Variants in EXOC4 observed in about 807,000 individuals in gnomAD.
The protein encoded by EXOC4 is SEC8-like 1.
In EXOC4, 71 loss-of-function variants were observed where a neutral mutation model predicts 107.2. The ratio of observed to expected loss-of-function variants is 0.66; its 90% CI spans 0.55 to 0.81. The LOEUF (loss-of-function observed/expected upper bound fraction) is 0.81, where lower values mean the gene tolerates loss of function less well. EXOC4 is among the 30% of genes least tolerant of loss of function. The probability of loss-of-function intolerance (pLI) is 0.00; values close to 1 mark genes in which losing one functional copy is unlikely to be tolerated. For synonymous variants in EXOC4, 456 were observed against 441.2 expected (o/e 1.03, Z -0.42); for missense variants, 1,108 against 1,189.6 (o/e 0.93, Z 1.01).
intron 5 of EXOC4, among the ~76,000 whole-genome samples, chr7:133,330,856 T>C (rs1307911950): frequency 2.0e-5 from 3 of 151,960 alleles, no homozygotes; most frequent in Non-Finnish European, 4.4e-5. Flanking sequence ...TTCTTCTGCG[T>C]CGATCTCACT....
intron 9 of EXOC4, among the ~76,000 whole-genome samples, chr7:133,504,024 T>C (rs1799623924): frequency 6.6e-6 from 1 of 151,576 alleles, no homozygotes; most frequent in Admixed American, 6.6e-5. Flanking sequence ...CACACACGTA[T>C]ACACACACAC....
intron 6 of EXOC4, among the ~76,000 whole-genome samples, chr7:133,373,414 G>A (rs566007589): frequency 6.6e-6 from 1 of 152,214 alleles, no homozygotes; most frequent in South Asian, 2.1e-4. Context: ...TATAGTCTAG[G>A]CTGGGAGTAC....
At chr7:133,519,923 G>T (rs947755712) in intron 9 of EXOC4, among the ~76,000 whole-genome samples, 1 of 152,126 alleles carries the variant, frequency 6.6e-6, no homozygotes, top group Non-Finnish European at 1.5e-5. Flanking sequence ...CACAGATAAT[G>T]TGTGGTTTAA....
intron 3 of EXOC4, among the ~76,000 whole-genome samples, chr7:133,302,335 G>C (rs562415678): frequency 5.5e-4 from 84 of 152,164 alleles, no homozygotes; most frequent in Non-Finnish European, 8.2e-4. Flanking sequence ...GTTTCCAACT[G>C]TGTTGACTAG....
intron 5 of EXOC4, among the ~76,000 whole-genome samples, chr7:133,341,781 T>G (rs1795666463): frequency 6.6e-6 from 1 of 152,216 alleles, no homozygotes; most frequent in Non-Finnish European, 1.5e-5. Flanking sequence ...TATCATTATC[T>G]AATGTCCCTC....
At chr7:133,594,120 T>G (rs1801610096) in intron 9 of EXOC4, among the ~76,000 whole-genome samples, 1 of 152,208 alleles carries the variant, frequency 6.6e-6, no homozygotes, top group South Asian at 2.1e-4. Context: ...GACAGTAATC[T>G]TAGAATCTAA....
chr7:133,586,966 G>T (rs1186547949), intron 9 of EXOC4, among the ~76,000 whole-genome samples: 1 of 152,052 alleles, frequency 6.6e-6, no homozygotes, highest in Non-Finnish European at 1.5e-5. Flanking sequence ...GAATAGCTGG[G>T]ATTACAAGTG....
chr7:133,736,356 T>G (rs1795445151), intron 10 of EXOC4, among the ~76,000 whole-genome samples: 1 of 152,212 alleles, frequency 6.6e-6, no homozygotes, highest in South Asian at 2.1e-4. Context: ...TGGAATATAA[T>G]CATCTGGGTT....
intron 1 of EXOC4, among the ~76,000 whole-genome samples, chr7:133,258,658 A>C (rs1451702802): frequency 3.9e-5 from 6 of 152,166 alleles, no homozygotes; most frequent in Non-Finnish European, 8.8e-5. Flanking sequence ...TTTTGATATT[A>C]ATAAATTTGC....
intron 10 of EXOC4, among the ~76,000 whole-genome samples, chr7:133,796,061 T>A (rs148267781): frequency 5.3e-5 from 8 of 152,356 alleles, no homozygotes; most frequent in African/African-American, 9.6e-5. Flanking sequence ...AAACATCTTA[T>A]GAAATCAAGG....
chr7:133,303,016 G>A (rs1014820552), intron 3 of EXOC4, among the ~76,000 whole-genome samples: 2 of 152,122 alleles, frequency 1.3e-5, no homozygotes, highest in African/African-American at 2.4e-5. Flanking sequence ...GTAAATACCT[G>A]GAAACCGTAC....
chr7:133,475,250 A>T, intron 7 of EXOC4, 78 bp from the exon 8 acceptor site: 1 of 1,240,474 alleles, frequency 8.1e-7, no homozygotes, highest in South Asian at 1.4e-5. Context: ...TTAGATTTGC[A>T]TGGTTTTAAA....
intron 14 of EXOC4, among the ~76,000 whole-genome samples, chr7:133,940,473 G>T (rs1221352931): frequency 6.6e-6 from 1 of 152,116 alleles, no homozygotes; most frequent in Non-Finnish European, 1.5e-5. Flanking sequence ...TTCCTTGCAG[G>T]GTGATTATTC....
chr7:133,665,368 T>C (rs1415782961), intron 10 of EXOC4, among the ~76,000 whole-genome samples: 2 of 152,188 alleles, frequency 1.3e-5, no homozygotes, highest in Non-Finnish European at 2.9e-5. Context: ...GCTGTAAACA[T>C]TTAAGTTAAT....
At chr7:133,461,811 T>C (rs1798600398) in intron 7 of EXOC4, among the ~76,000 whole-genome samples, 1 of 152,348 alleles carries the variant, frequency 6.6e-6, no homozygotes, top group East Asian at 1.9e-4. Context: ...ACTTTCAATT[T>C]AGGTAACTTA....
chr7:133,687,298 T>C (rs1467113558), intron 10 of EXOC4, among the ~76,000 whole-genome samples: 2 of 151,954 alleles, frequency 1.3e-5, no homozygotes, highest in Non-Finnish European at 2.9e-5. Flanking sequence ...CAAATTGGGT[T>C]TAGTGTATAC....
intron 2 of EXOC4, among the ~76,000 whole-genome samples, chr7:133,283,136 C>T (rs1019722352): frequency 6.6e-6 from 1 of 152,212 alleles, no homozygotes; most frequent in African/African-American, 2.4e-5. Context: ...GACAGGGTCG[C>T]ACTCTGTTGT....
chr7:134,054,470 G>A (rs1795875070), intron 17 of EXOC4, among the ~76,000 whole-genome samples: 1 of 152,118 alleles, frequency 6.6e-6, no homozygotes, highest in Admixed American at 6.5e-5. Flanking sequence ...TGGAGTCCTT[G>A]ATGTGATTTT....
At chr7:133,939,322 C>T (rs750280034) in intron 14 of EXOC4, among the ~76,000 whole-genome samples, 106 of 152,134 alleles carry the variant, frequency 7.0e-4, no homozygotes, top group Non-Finnish European at 9.0e-4. Flanking sequence ...GTAAATTATT[C>T]GCTTATCCTC....
Sources: allele counts gnomAD v4.1 joint callset (sites outside exome capture counted in the v4.1 genomes callset), GRCh38; gene constraint gnomAD v4.1.1; transcripts MANE v1.5; gene names NCBI Gene and HGNC (gene_info 2026-07-23, HGNC 2026-07-21).